Variants in DRC10 observed in about 807,000 individuals in gnomAD.
DRC10 encodes the protein IQ domain-containing protein D.
At chr12:113,215,470 T>A in the DRC10 span, among the ~76,000 whole-genome samples, 321 of 152,362 alleles carry the variant, frequency 2.1e-3, 3 homozygotes, top group Non-Finnish European at 2.2e-3. Flanking sequence ...TATATGTTTT[T>A]GTATCAAAGG....
the DRC10 span, chr12:113,197,666 C>G: frequency 9.1e-7 from 1 of 1,102,660 alleles, no homozygotes; most frequent in East Asian, 2.6e-5. Flanking sequence ...CAATCAACAG[C>G]ACTGAGCACT....
At chr12:113,209,857 AG>A in the DRC10 span, among the ~76,000 whole-genome samples, 1 of 152,236 alleles carries the variant, frequency 6.6e-6, no homozygotes, top group South Asian at 2.1e-4. Context: ...CAGGCATGGT[AG>A]CTCACACCTG....
At chr12:113,197,466 T>G in the DRC10 span, 1 of 1,035,254 alleles carries the variant, frequency 9.7e-7, no homozygotes, top group South Asian at 1.4e-5. Context: ...ATCCCAAGGC[T>G]ACTTTTCCCA....
chr12:113,200,545 C>G, the DRC10 span: 54 of 1,112,178 alleles, frequency 4.9e-5, no homozygotes, highest in Non-Finnish European at 6.3e-5. Context: ...CCACCAGGGG[C>G]CCCCTCGGCC....
chr12:113,197,162 C>CA, the DRC10 span, among the ~76,000 whole-genome samples: 1 of 148,880 alleles, frequency 6.7e-6, no homozygotes, highest in South Asian at 2.1e-4. Context: ...GGCCCAGTGT[C>CA]AGAGTGTCAG....
At chr12:113,203,484 C>A in the DRC10 span, among the ~76,000 whole-genome samples, 7 of 135,272 alleles carry the variant, frequency 5.2e-5, no homozygotes, top group Non-Finnish European at 7.9e-5. Context: ...CCCTTCCCTT[C>A]CCTTTCATTG....
the DRC10 span, chr12:113,207,553 G>C: frequency 6.2e-7 from 1 of 1,613,922 alleles, no homozygotes; most frequent in Non-Finnish European, 8.5e-7. Context: ...CTTATCCCTC[G>C]CTTCCATGGG....
At chr12:113,219,824 T>A in the DRC10 span, among the ~76,000 whole-genome samples, 76 of 145,324 alleles carry the variant, frequency 5.2e-4, no homozygotes, top group Admixed American at 1.3e-3. Context: ...TTATTTATTT[T>A]TTGAGCTGGA....
chr12:113,199,388 C>T, the DRC10 span, among the ~76,000 whole-genome samples: 4 of 145,942 alleles, frequency 2.7e-5, no homozygotes, highest in African/African-American at 7.5e-5. Flanking sequence ...AGAGTGAGAC[C>T]CTGTCTCAAA....
chr12:113,208,751 C>T, the DRC10 span, among the ~76,000 whole-genome samples: 1 of 152,178 alleles, frequency 6.6e-6, no homozygotes, highest in South Asian at 2.1e-4. Context: ...AGGAGAAATA[C>T]CCTGGTTTCT....
the DRC10 span, among the ~76,000 whole-genome samples, chr12:113,199,228 CT>C: frequency 6.6e-6 from 1 of 152,090 alleles, no homozygotes; most frequent in South Asian, 2.1e-4. Context: ...TGAGCCACTG[CT>C]CCCAGCCAAT....
At chr12:113,208,964 C>T in the DRC10 span, among the ~76,000 whole-genome samples, 1 of 152,202 alleles carries the variant, frequency 6.6e-6, no homozygotes, top group African/African-American at 2.4e-5. Context: ...CAGAGTCTTG[C>T]TCTGTCGCCC....
the DRC10 span, among the ~76,000 whole-genome samples, chr12:113,212,999 G>A: frequency 4.6e-5 from 7 of 151,718 alleles, no homozygotes; most frequent in East Asian, 1.9e-4. Context: ...ATTATACCTC[G>A]TCTTCATTCA....
chr12:113,201,684 G>T, the DRC10 span, among the ~76,000 whole-genome samples: 4 of 152,206 alleles, frequency 2.6e-5, no homozygotes, highest in East Asian at 7.7e-4. Context: ...AGCTCTCAAG[G>T]CTTCTCACTA....
At chr12:113,212,294 C>T in the DRC10 span, among the ~76,000 whole-genome samples, 4 of 152,124 alleles carry the variant, frequency 2.6e-5, no homozygotes, top group Admixed American at 2.6e-4. Context: ...GTCTCAAACT[C>T]CTGACCTCAG....
the DRC10 span, chr12:113,197,626 A>C: frequency 3.4e-6 from 5 of 1,485,026 alleles, no homozygotes; most frequent in Middle Eastern, 1.7e-4. Flanking sequence ...GAAAAGATCC[A>C]ATTTGTCATT....
chr12:113,196,187 C>T, the DRC10 span, among the ~76,000 whole-genome samples: 6 of 152,150 alleles, frequency 3.9e-5, no homozygotes, highest in Non-Finnish European at 8.8e-5. Context: ...CTTCACCTTT[C>T]GGGCCTTCGT....
the DRC10 span, among the ~76,000 whole-genome samples, chr12:113,206,546 C>G: frequency 5.3e-5 from 8 of 152,128 alleles, no homozygotes; most frequent in Non-Finnish European, 1.2e-4. Context: ...GACCCCGTCT[C>G]TTTTGTTCAT....
At chr12:113,207,792 C>T in the DRC10 span, 17 of 1,614,010 alleles carry the variant, frequency 1.1e-5, no homozygotes, top group African/African-American at 2.3e-4. Context: ...CTCTGAGCCA[C>T]CCTTCCTCCT....
Sources: allele counts gnomAD v4.1 joint callset (sites outside exome capture counted in the v4.1 genomes callset), GRCh38; gene constraint gnomAD v4.1.1; transcripts MANE v1.5; gene names NCBI Gene and HGNC (gene_info 2026-07-23, HGNC 2026-07-21).